Variants in NDUFA8 observed in about 807,000 individuals in gnomAD.
NDUFA8 encodes the protein NADH dehydrogenase [ubiquinone] 1 alpha subcomplex subunit 8.
NDUFA8 carries 16 observed loss-of-function variants against 20.9 expected under a neutral mutation model. The observed-to-expected ratio is 0.77, with a 90% CI of 0.52 to 1.16. The LOEUF (loss-of-function observed/expected upper bound fraction) is 1.16, where lower values mean the gene tolerates loss of function less well. NDUFA8 is among the 50% of genes most tolerant of loss of function. The pLI, the probability that NDUFA8 is intolerant of heterozygous loss-of-function variation, is 0.00. For missense variants in NDUFA8, 202 were observed against 216.4 expected, an observed-to-expected ratio of 0.93 and a Z score of 0.42; for synonymous variants, 70 against 76.1, an observed-to-expected ratio of 0.92 and a Z score of 0.41.
intron 2 of NDUFA8, among the ~76,000 whole-genome samples, chr9:122,150,410 CAAAAAA>C (rs60728190): frequency 3.1e-4 from 6 of 19,654 alleles, no homozygotes; most frequent in Non-Finnish European, 5.6e-4. Flanking sequence ...CACCCCATCA[CAAAAAA>C]AAAAAAAAAA....
chr9:122,133,457 C>G, the NDUFA8 span, among the ~76,000 whole-genome samples: 340 of 152,346 alleles, frequency 2.2e-3, 1 homozygote, highest in African/African-American at 7.6e-3. Context: ...TGAGGCCAGG[C>G]TTGAGACCTA....
chr9:122,152,539 C>A, intron 1 of NDUFA8, 131 bp from the exon 2 acceptor site: 3 of 808,506 alleles, frequency 3.7e-6, no homozygotes, highest in Non-Finnish European at 5.9e-6. Flanking sequence ...GAAAATTAAA[C>A]ACTGTCATAA....
intron 1 of NDUFA8, among the ~76,000 whole-genome samples, chr9:122,158,910 G>C (rs1829127107): frequency 6.6e-6 from 1 of 151,844 alleles, no homozygotes; most frequent in South Asian, 2.1e-4. Flanking sequence ...GAAAGGACTT[G>C]ATCATGTTAG....
intron 1 of NDUFA8, among the ~76,000 whole-genome samples, chr9:122,156,848 G>A (rs772923413): frequency 5.9e-5 from 9 of 152,136 alleles, no homozygotes; most frequent in East Asian, 1.9e-4. Flanking sequence ...CAATTACACT[G>A]GGATCATTAA....
chr9:122,156,518 G>A (rs889717407), intron 1 of NDUFA8, among the ~76,000 whole-genome samples: 2 of 152,060 alleles, frequency 1.3e-5, no homozygotes, highest in African/African-American at 4.8e-5. Flanking sequence ...CTATCACATC[G>A]AAAGCACACC....
chr9:122,147,290 C>G (rs1828918279), intron 3 of NDUFA8, among the ~76,000 whole-genome samples: 1 of 151,988 alleles, frequency 6.6e-6, no homozygotes, highest in Non-Finnish European at 1.5e-5. Context: ...GTGATGACTG[C>G]ATGGAATCAG....
chr9:122,139,537 G>A (rs1399633085), downstream of NDUFA8, among the ~76,000 whole-genome samples: 4 of 152,302 alleles, frequency 2.6e-5, no homozygotes, highest in East Asian at 5.8e-4. Flanking sequence ...CAAAACCAAC[G>A]TTGATTGAAT....
intron 1 of NDUFA8, among the ~76,000 whole-genome samples, chr9:122,154,984 AGTCT>A: frequency 6.6e-6 from 1 of 152,244 alleles, no homozygotes. Flanking sequence ...AATAAAATCT[AGTCT>A]GTCACAGTGT....
At chr9:122,139,295 CA>C (rs2118685116), downstream of NDUFA8, among the ~76,000 whole-genome samples, 1 of 152,312 alleles carries the variant, frequency 6.6e-6, no homozygotes, top group Admixed American at 6.5e-5. Context: ...GGAGGAAGCT[CA>C]AACTGCGCTT....
intron 1 of NDUFA8, among the ~76,000 whole-genome samples, chr9:122,155,358 C>T (rs1371081363): frequency 6.6e-6 from 1 of 152,236 alleles, no homozygotes; most frequent in African/African-American, 2.4e-5. Context: ...GGATTATAGG[C>T]GTGGGCCACC....
At chr9:122,152,663 C>T (rs1588294204) in intron 1 of NDUFA8, among the ~76,000 whole-genome samples, 4 of 151,074 alleles carry the variant, frequency 2.6e-5, no homozygotes, top group Admixed American at 2.6e-4. Flanking sequence ...TCAAGCGATT[C>T]TGCTGCCTCA....
chr9:122,148,763 A>C (rs1170809481), intron 2 of NDUFA8, among the ~76,000 whole-genome samples: 1 of 152,156 alleles, frequency 6.6e-6, no homozygotes, highest in Non-Finnish European at 1.5e-5. Context: ...CATTCAGTAT[A>C]AAGACAAACT....
chr9:122,156,401 C>T (rs1829075830), intron 1 of NDUFA8, among the ~76,000 whole-genome samples: 2 of 152,146 alleles, frequency 1.3e-5, no homozygotes, highest in Admixed American at 1.3e-4. Context: ...TTTATTTATA[C>T]CATGCCTTGA....
the NDUFA8 span, among the ~76,000 whole-genome samples, chr9:122,135,411 G>A: frequency 2.0e-5 from 3 of 152,238 alleles, no homozygotes; most frequent in African/African-American, 7.2e-5. Context: ...ACCAGACAGA[G>A]TGGCTTTTTG....
At chr9:122,144,595 C>T (rs1379255097) in intron 3 of NDUFA8, among the ~76,000 whole-genome samples, 4 of 152,070 alleles carry the variant, frequency 2.6e-5, no homozygotes, top group Non-Finnish European at 5.9e-5. Flanking sequence ...ACTAGGGATA[C>T]AGAAGGGAAC....
chr9:122,134,608 T>TA, the NDUFA8 span, among the ~76,000 whole-genome samples: 1 of 152,192 alleles, frequency 6.6e-6, no homozygotes, highest in Non-Finnish European at 1.5e-5. Flanking sequence ...CCATCCTCTC[T>TA]AAAAGTTGTG....
At chr9:122,142,488 A>C (rs902529430), downstream of NDUFA8, among the ~76,000 whole-genome samples, 1 of 152,236 alleles carries the variant, frequency 6.6e-6, no homozygotes, top group Non-Finnish European at 1.5e-5. Flanking sequence ...AAGGCCTCTC[A>C]GGTGATTCCA....
At chr9:122,149,750 G>A (rs1387430019) in intron 2 of NDUFA8, among the ~76,000 whole-genome samples, 1 of 152,126 alleles carries the variant, frequency 6.6e-6, no homozygotes, top group East Asian at 1.9e-4. Flanking sequence ...TTGAGGCCAG[G>A]AGTTCAAGAC....
At chr9:122,159,559 G>C in intron 1 of NDUFA8, 68 bp downstream of exon 1, 5 of 1,592,182 alleles carry the variant, frequency 3.1e-6, no homozygotes, top group South Asian at 2.2e-5. Flanking sequence ...GAGCCCAAGG[G>C]GGGCTAGGCC....
Sources: gnomAD v4.1 joint callset for allele counts (sites outside exome capture counted in the v4.1 genomes callset) on GRCh38, gnomAD v4.1.1 for gene constraint, MANE v1.5 for transcripts, NCBI Gene and HGNC (gene_info 2026-07-23, HGNC 2026-07-21) for gene names.